Variants in FBXW4 observed in about 807,000 individuals in gnomAD.
FBXW4 encodes F-box/WD repeat-containing protein 4.
FBXW4 carries 40 observed loss-of-function variants against 61.8 expected under a neutral mutation model. The ratio of observed to expected loss-of-function variants is 0.65; its 90% CI spans 0.50 to 0.84. FBXW4 has a LOEUF of 0.84. FBXW4 is among the 40% of genes least tolerant of loss of function. The pLI, the probability that FBXW4 is intolerant of heterozygous loss-of-function variation, is 0.00. For missense variants in FBXW4, 672 were observed against 753.8 expected, an observed-to-expected ratio of 0.89 and a Z score of 1.27; for synonymous variants, 311 against 313.8, an observed-to-expected ratio of 0.99 and a Z score of 0.10.
chr10:101,682,769 C>T (rs1414347756), intron 1 of FBXW4, among the ~76,000 whole-genome samples: 1 of 151,870 alleles, frequency 6.6e-6, no homozygotes, highest in Admixed American at 6.6e-5. Flanking sequence ...ACAGCAGGTG[C>T]AGGCATCCTC....
chr10:101,620,033 T>C (rs1169677525), intron 6 of FBXW4, among the ~76,000 whole-genome samples: 1 of 152,118 alleles, frequency 6.6e-6, no homozygotes, highest in Non-Finnish European at 1.5e-5. Context: ...GGTATAGCAA[T>C]GCTTAGGGCA....
intron 5 of FBXW4, among the ~76,000 whole-genome samples, chr10:101,640,620 T>C (rs528201986): frequency 6.7e-6 from 1 of 148,796 alleles, no homozygotes; most frequent in African/African-American, 2.5e-5. Flanking sequence ...GCCTCCCAAA[T>C]AGATGGGATT....
rs2064660724 is a variant in FBXW4, at chr10:101,694,920, C to A, written c.186G>T (p.Pro62=). ...RGSGAEGKPG[P]QTAKEAAGPG... is the part of the protein sequence containing the mutation. ...GCCCGGCTGCCTCCTTCGCCGTCTG[C>A]GGCCCGGGCTTCCCTTCCGCCCCGC... The change falls in exon 1 of 9, where the codon CCG becomes CCT. Residue 62 remains proline, a synonymous_variant. Transcript: ENST00000331272. The surrounding 1 kb of genome is among the most constrained non-coding windows in gnomAD (Gnocchi z 6.0). The A allele has an allele frequency of 1.6e-6, 2 of 1,216,012 alleles. No individual in the cohort carries two copies. The highest frequency in any genetic ancestry group is 3.4e-5 in the East Asian group (1 of 29,738). The allele number at this position is 1,216,012 out of a possible 1,614,324, so 75.3% of individuals were successfully genotyped here.
chr10:101,695,272 T>C, upstream of FBXW4: 5 of 898,472 alleles, frequency 5.6e-6, no homozygotes, highest in Non-Finnish European at 6.7e-6. The surrounding 1 kb of genome is among the most constrained non-coding windows in gnomAD (Gnocchi z 4.2). Flanking sequence ...GGGTGCGGGC[T>C]GGGGCCGGGG....
intron 5 of FBXW4, chr10:101,625,962 A>G (rs2063904339): frequency 6.6e-6 from 1 of 152,286 alleles, no homozygotes; most frequent in Non-Finnish European, 1.5e-5. Flanking sequence ...GCCCTGGAGA[A>G]GCCAGTGGCT....
chr10:101,659,167 T>C (rs2064219414), intron 5 of FBXW4, among the ~76,000 whole-genome samples: 1 of 152,208 alleles, frequency 6.6e-6, no homozygotes, highest in South Asian at 2.1e-4. Context: ...GACACCAGCA[T>C]GCAATCTGAG....
chr10:101,693,404 T>C (rs1271518987), intron 1 of FBXW4, among the ~76,000 whole-genome samples: 1 of 152,216 alleles, frequency 6.6e-6, no homozygotes, highest in African/African-American at 2.4e-5. Flanking sequence ...AGTTTAATAG[T>C]AGAGGGATGT....
chr10:101,640,658 A>AT (rs200557925), intron 5 of FBXW4, among the ~76,000 whole-genome samples: 12,288 of 133,008 alleles, frequency 0.092, 605 homozygotes, highest in African/African-American at 0.14. Context: ...TCCCCAGCTA[A>AT]TTTTTTTTTT....
chr10:101,643,204 T>C (rs1255702817), intron 5 of FBXW4, among the ~76,000 whole-genome samples: 2 of 152,240 alleles, frequency 1.3e-5, no homozygotes, highest in African/African-American at 4.8e-5. Flanking sequence ...AGCAAGATTG[T>C]AATGATTAGC....
Position 101,611,578 on chromosome 10 carries a change from C to T in FBXW4, c.1584+50G>A, listed in dbSNP as rs1411517897. The T allele has an allele frequency of 1.9e-6, 3 of 1,604,778 alleles. No homozygotes were observed. The South Asian group carries it at 3.3e-5, about 18-fold the overall frequency. ...ACCTCACCCTCTCCCAAATGCAGCC[C>T]ATAATCATGAGTCCTGGCATGCTGG... On this transcript the variant is annotated intron_variant, in intron 8 of 8. Transcript: ENST00000331272. The surrounding 1 kb of genome is among the most constrained non-coding windows in gnomAD (Gnocchi z 4.9).
intron 5 of FBXW4, chr10:101,625,726 G>A (rs2063902512): frequency 6.6e-6 from 1 of 152,280 alleles, no homozygotes; most frequent in Non-Finnish European, 1.5e-5. Flanking sequence ...AAGCCTTCAG[G>A]AAACCTGGGC....
At chr10:101,668,801 C>A (rs1318613209) in intron 4 of FBXW4, among the ~76,000 whole-genome samples, 1 of 152,130 alleles carries the variant, frequency 6.6e-6, no homozygotes, top group African/African-American at 2.4e-5. Context: ...TCACTTCACC[C>A]TACCCTAGAT....
At chr10:101,680,691 A>G (rs1291602208) in intron 1 of FBXW4, among the ~76,000 whole-genome samples, 1 of 152,220 alleles carries the variant, frequency 6.6e-6, no homozygotes, top group African/African-American at 2.4e-5. Flanking sequence ...ATTTGATATA[A>G]GAGTGTGGAT....
intron 5 of FBXW4, among the ~76,000 whole-genome samples, chr10:101,633,785 T>C (rs1439858692): frequency 5.3e-5 from 8 of 152,096 alleles, no homozygotes; most frequent in Admixed American, 2.0e-4. Flanking sequence ...TGTTATTATA[T>C]ACTAGCAATA....
intron 5 of FBXW4, among the ~76,000 whole-genome samples, chr10:101,632,458 G>A (rs966143066): frequency 2.0e-5 from 3 of 152,110 alleles, no homozygotes; most frequent in Admixed American, 6.5e-5. Flanking sequence ...CTATTTTAAC[G>A]AAGGGTACAA....
intron 5 of FBXW4, among the ~76,000 whole-genome samples, chr10:101,629,139 G>C (rs1481860673): frequency 6.6e-6 from 1 of 152,256 alleles, no homozygotes; most frequent in Admixed American, 6.5e-5. Context: ...CTGAAAGGCA[G>C]GTAGATTCCT....
chr10:101,648,741 C>T (rs188929618), intron 5 of FBXW4, among the ~76,000 whole-genome samples: 70 of 152,304 alleles, frequency 4.6e-4, no homozygotes, highest in Non-Finnish European at 8.7e-4. Context: ...TGTCTGCATT[C>T]CACCATTTTA....
At chr10:101,664,196 G>A (rs2064273680) in intron 5 of FBXW4, among the ~76,000 whole-genome samples, 1 of 152,220 alleles carries the variant, frequency 6.6e-6, no homozygotes, top group African/African-American at 2.4e-5. Flanking sequence ...CCTCTGGATT[G>A]AGGTTTCATG....
At chr10:101,644,872 C>T (rs1002694673) in intron 5 of FBXW4, among the ~76,000 whole-genome samples, 2 of 152,184 alleles carry the variant, frequency 1.3e-5, no homozygotes, top group Admixed American at 1.3e-4. Context: ...CCATTTGCCA[C>T]CCAAAACCTC....
Sources: allele counts gnomAD v4.1 joint callset (sites outside exome capture counted in the v4.1 genomes callset), GRCh38; gene constraint gnomAD v4.1.1; non-coding constraint Gnocchi (gnomAD v3.1); transcripts MANE v1.5; gene names NCBI Gene and HGNC (gene_info 2026-07-23, HGNC 2026-07-21).